Variants in ZNF148 observed in about 807,000 individuals in gnomAD.
ZNF148 encodes Beta-Enolase Repressor Factor-1.
Under a neutral mutation model 67.7 loss-of-function variants are expected in ZNF148, and 7 were observed. That is an observed-to-expected ratio of 0.10 (90% CI 0.06 to 0.19). The LOEUF (loss-of-function observed/expected upper bound fraction) is 0.19. ZNF148 is among the 10% of genes least tolerant of loss of function. ZNF148 has a pLI of 1.00. For synonymous variants in ZNF148, 333 were observed against 330.7 expected, an observed-to-expected ratio of 1.01 and a Z score of -0.08; for missense variants, 583 against 947.1, an observed-to-expected ratio of 0.62 and a Z score of 5.05.
chr3:125,308,123 T>C (rs1356349731), intron 4 of ZNF148, among the ~76,000 whole-genome samples: 2 of 152,074 alleles, frequency 1.3e-5, no homozygotes, highest in Admixed American at 1.3e-4. Context: ...AAGTAAAACA[T>C]ATGGACAATA....
intron 1 of ZNF148, among the ~76,000 whole-genome samples, chr3:125,343,864 A>T (rs974470022): frequency 2.0e-5 from 3 of 152,080 alleles, no homozygotes; most frequent in Non-Finnish European, 1.5e-5. Flanking sequence ...GAGACCACGA[A>T]CCCACCGACA....
intron 7 of ZNF148, among the ~76,000 whole-genome samples, chr3:125,256,201 A>C (rs192255711): frequency 6.6e-6 from 1 of 151,794 alleles, no homozygotes; most frequent in Non-Finnish European, 1.5e-5. Flanking sequence ...GTCTCTACTG[A>C]AAATACAGAA....
chr3:125,303,885 A>G (rs1472412194), intron 4 of ZNF148, among the ~76,000 whole-genome samples: 1 of 152,068 alleles, frequency 6.6e-6, no homozygotes, highest in East Asian at 1.9e-4. Context: ...CATGGGATAC[A>G]CTGTCGCAAT....
intron 5 of ZNF148, among the ~76,000 whole-genome samples, chr3:125,285,042 T>C (rs1212654877): frequency 1.3e-5 from 2 of 152,154 alleles, no homozygotes; most frequent in African/African-American, 4.8e-5. Context: ...GTTACATGGA[T>C]GTTTATAAGC....
intron 4 of ZNF148, among the ~76,000 whole-genome samples, chr3:125,291,240 T>C (rs1938994814): frequency 6.6e-6 from 1 of 152,162 alleles, no homozygotes; most frequent in African/African-American, 2.4e-5. Flanking sequence ...CTTAGAGCAT[T>C]ATCATCTCCC....
intron 7 of ZNF148, among the ~76,000 whole-genome samples, chr3:125,256,502 C>A (rs1438454706): frequency 1.3e-5 from 2 of 151,552 alleles, no homozygotes; most frequent in Non-Finnish European, 2.9e-5. Context: ...TATGGTGAAA[C>A]CCCATCTCTA....
chr3:125,374,820 A>T (rs916848235), intron 1 of ZNF148, among the ~76,000 whole-genome samples: 1 of 151,038 alleles, frequency 6.6e-6, no homozygotes, highest in Non-Finnish European at 1.5e-5. Flanking sequence ...CCTACCTCTG[A>T]CACCCGCCTC....
At chr3:125,364,473 T>C (rs938449959) in intron 1 of ZNF148, among the ~76,000 whole-genome samples, 1 of 152,032 alleles carries the variant, frequency 6.6e-6, no homozygotes, top group African/African-American at 2.4e-5. Flanking sequence ...CTGTGGTATA[T>C]TCATATGATA....
intron 1 of ZNF148, among the ~76,000 whole-genome samples, chr3:125,339,814 T>A (rs894059252): frequency 2.0e-5 from 3 of 152,112 alleles, no homozygotes; most frequent in Non-Finnish European, 4.4e-5. Context: ...AAATTAAAAA[T>A]AAATTTTAAG....
chr3:125,322,530 CA>C (rs1326828857), intron 3 of ZNF148, among the ~76,000 whole-genome samples: 1 of 152,042 alleles, frequency 6.6e-6, no homozygotes, highest in African/African-American at 2.4e-5. Context: ...GTGATATACA[CA>C]AACTCCTCTT....
intron 7 of ZNF148, among the ~76,000 whole-genome samples, chr3:125,242,354 C>T (rs1456508005): frequency 6.6e-6 from 1 of 152,240 alleles, no homozygotes; most frequent in Non-Finnish European, 1.5e-5. Flanking sequence ...GGTGCAGTGG[C>T]TCATGCCTAT....
In ZNF148 at chr3:125,230,029, G is replaced by A. The variant is rs1319285786; in HGVS notation, c.*2312C>T. ...ATTTAAAGAAATGTGTTGAAAACAGGAATGCAACACCTGAAAGTCTGCTTG... is the reference window on the plus strand; with the variant it reads ...ATTTAAAGAAATGTGTTGAAAACAGAAATGCAACACCTGAAAGTCTGCTTG... On this transcript the variant is annotated 3_prime_UTR_variant, in exon 9 of 9. Transcript: ENST00000360647. 3 of 152,450 alleles carry A rather than the reference G, an allele frequency of 2.0e-5. No individual in the cohort carries two copies. Among genetic ancestry groups the A allele is most frequent in the African/African-American group, 7.2e-5 (3 of 41,394 alleles). 9.4% of individuals were successfully genotyped at this position (152,450 alleles called of 1,614,324 possible).
At position 125,313,479 on chromosome 3, in the gene ZNF148, G is replaced by A; in HGVS notation, c.162C>T (p.His54=). ...CTTCATCTGCAGCAAGGATCTCCTG[G>A]TGAGGCATACTTCGATCTTGAAGTA... The part of the protein sequence containing the change: ...DSVLQDRSMP[H]QEILAADEVL... Residue 54 remains histidine (H), a synonymous_variant, in exon 4 of 9, where the codon CAC becomes CAT. Coordinates refer to ENST00000360647, the MANE Select transcript of ZNF148 (RefSeq NM_021964.3). 1.2e-6 allele frequency: 2 copies of A among 1,614,002 alleles called. No individual in the cohort carries two copies. Among genetic ancestry groups the A allele is most frequent in the South Asian group, 2.2e-5 (2 of 91,080 alleles).
chr3:125,255,961 A>T (rs1019638680), intron 7 of ZNF148, among the ~76,000 whole-genome samples: 2 of 152,084 alleles, frequency 1.3e-5, no homozygotes, highest in African/African-American at 4.8e-5. Context: ...GCTTGGGATT[A>T]ATAGACATGG....
intron 1 of ZNF148, among the ~76,000 whole-genome samples, chr3:125,353,790 G>A (rs1393348868): frequency 3.3e-5 from 5 of 151,938 alleles, no homozygotes; most frequent in Admixed American, 2.6e-4. Flanking sequence ...ATTAACATGT[G>A]AGGCCAGGTT....
chr3:125,363,806 T>A (rs6808088), intron 1 of ZNF148, among the ~76,000 whole-genome samples: 1 of 151,562 alleles, frequency 6.6e-6, no homozygotes, highest in African/African-American at 2.4e-5. Context: ...TGTGCCACCA[T>A]GCCCCGCTAA....
At chr3:125,275,813 G>A (rs1938028271) in intron 7 of ZNF148, among the ~76,000 whole-genome samples, 1 of 152,090 alleles carries the variant, frequency 6.6e-6, no homozygotes, top group Non-Finnish European at 1.5e-5. Context: ...GTGCAATGAA[G>A]GTGAGTATTG....
intron 3 of ZNF148, among the ~76,000 whole-genome samples, chr3:125,321,581 T>C (rs534685185): frequency 3.9e-5 from 6 of 152,172 alleles, no homozygotes; most frequent in South Asian, 2.1e-4. Context: ...ATCAAGAAGA[T>C]AGTAGTATTT....
intron 2 of ZNF148, among the ~76,000 whole-genome samples, chr3:125,328,396 G>A (rs1286117408): frequency 6.6e-6 from 1 of 152,044 alleles, no homozygotes; most frequent in African/African-American, 2.4e-5. Context: ...TAAATGACAA[G>A]AGGCTCACAA....
Sources: gnomAD v4.1 joint callset for allele counts (sites outside exome capture counted in the v4.1 genomes callset) on GRCh38, gnomAD v4.1.1 for gene constraint, MANE v1.5 for transcripts, NCBI Gene and HGNC (gene_info 2026-07-23, HGNC 2026-07-21) for gene names.